The following PLEKHA4 variants were observed in gnomAD, a reference collection of about 807,000 sequenced individuals.
PLEKHA4 encodes the protein pleckstrin homology domain-containing family A member 4.
PLEKHA4 carries 73 observed loss-of-function variants against 94.7 expected under a neutral mutation model. The ratio of observed to expected loss-of-function variants is 0.77; its 90% confidence interval spans 0.64 to 0.94. PLEKHA4 has a LOEUF of 0.94. Among genes scored for constraint, PLEKHA4 ranks in the 40% least tolerant of loss-of-function variants. PLEKHA4 has a pLI of 0.00. For synonymous variants in PLEKHA4, 449 were observed against 437.1 expected (o/e 1.03, Z -0.34); for missense variants, 1,049 against 1,054.1 (o/e 1.00, Z 0.07).
At chr19:48,855,517 T>C (rs1471950439) in intron 9 of PLEKHA4, among the ~76,000 whole-genome samples, 2 of 151,732 alleles carry the variant, frequency 1.3e-5, no homozygotes, top group African/African-American at 4.8e-5. Context: ...GGAAGAAGAA[T>C]CACTTGAACC....
At position 48,839,245 on chromosome 19, in the gene PLEKHA4, C is replaced by G. The variant is rs756190025; in HGVS notation, c.1924G>C (p.Gly642Arg). 2 of 1,594,240 alleles carry G rather than the reference C, an allele frequency of 1.3e-6. No homozygotes were observed. Among genetic ancestry groups the G allele is most frequent in the Admixed American group, 3.4e-5 (2 of 58,868 alleles). The change falls in exon 18 of 20, where the codon GGA becomes CGA. Residue 642 changes from glycine to arginine, a missense_variant. Gly to Arg is a moderately radical substitution (Grantham distance 125). Coordinates refer to ENST00000263265, the MANE Select transcript of PLEKHA4 (RefSeq NM_020904.3). ...VEQRPVVGHS[G>R]AQKWLRSSGS... is the part of the protein sequence containing the mutation. ...GAGCTTCTGAGCCATTTCTGGGCTCCCGAGTGTCCTACGACAGGCTGGAAA... is the reference window on the plus strand; with the variant it reads ...GAGCTTCTGAGCCATTTCTGGGCTCGCGAGTGTCCTACGACAGGCTGGAAA...
intron 9 of PLEKHA4, among the ~76,000 whole-genome samples, chr19:48,854,993 A>G (rs1306295089): frequency 6.6e-6 from 1 of 151,912 alleles, no homozygotes; most frequent in Non-Finnish European, 1.5e-5. Context: ...GGCATGAACC[A>G]CCAAGCCTAG....
At chr19:48,860,596 A>C in intron 5 of PLEKHA4, 137 bp from the exon 6 acceptor site, 1 of 652,968 alleles carries the variant, frequency 1.5e-6, no homozygotes, top group Non-Finnish European at 2.7e-6. Context: ...CAGCCTAGGC[A>C]ACATAATGAG....
At chr19:48,851,006 T>A (rs564319536) in intron 13 of PLEKHA4, among the ~76,000 whole-genome samples, 1 of 151,384 alleles carries the variant, frequency 6.6e-6, no homozygotes, top group South Asian at 2.1e-4. Flanking sequence ...CCGGGCATGG[T>A]GGTGGTCATC....
chr19:48,844,166 TA>T (rs2035878056), intron 16 of PLEKHA4, among the ~76,000 whole-genome samples: 2 of 131,730 alleles, frequency 1.5e-5, no homozygotes, highest in Admixed American at 1.6e-4. Flanking sequence ...TTATTATTAT[TA>T]TTTTCGAGAC....
rs1206878922 is a variant in PLEKHA4 at position 48,837,902 on chromosome 19, C to A, written c.2077+115G>T. 1.2e-6 allele frequency: 1 copy of A among 856,038 alleles called. No homozygotes were observed. Among genetic ancestry groups the A allele is most frequent in the Non-Finnish European group, 1.9e-6 (1 of 535,354 alleles). The allele number at this position is 856,038 out of a possible 1,614,324, so 53.0% of individuals were successfully genotyped here. On this transcript the variant is annotated intron_variant, in intron 19 of 19. Transcript: ENST00000263265. This position sits in a 1 kb window ranked among gnomAD's most constrained non-coding sequence, Gnocchi z 4.3. ...CAAACCCTGCCCAACTCTTTACTCA[C>A]CAAGATAAAAAATTCTCACCGGCCC...
chr19:48,847,142 T>C (rs2035997412), intron 14 of PLEKHA4, among the ~76,000 whole-genome samples: 1 of 152,252 alleles, frequency 6.6e-6, no homozygotes. Flanking sequence ...TATATAATCA[T>C]ATTAGGGCTG....
Position 48,865,601 on chromosome 19 carries a change from G to T in PLEKHA4, c.94C>A (p.Arg32=), listed in dbSNP as rs201547716. ...LSSLSPKKPT[R]AVNKIHAFGK... ...AAGGCGTGGATCTTGTTTACTGCCCGGGTGGGCTTCTGAGGAGAGAAGGGG... is the reference window on the plus strand; with the variant it reads ...AAGGCGTGGATCTTGTTTACTGCCCTGGTGGGCTTCTGAGGAGAGAAGGGG... The change falls in exon 3 of 20, where the codon CGG becomes AGG. Residue 32 remains arginine, a synonymous_variant. Transcript: ENST00000263265. 1 of 1,612,716 alleles carries T rather than the reference G, an allele frequency of 6.2e-7. No individual in the cohort carries two copies. The highest frequency in any genetic ancestry group is 1.1e-5 in the South Asian group (1 of 91,020).
chr19:48,841,289 TCCGGGGCCGGGCCA>T lies in PLEKHA4; in HGVS notation c.1751_1764del (p.Val584AspfsTer43), dbSNP rs1453407435. 4.3e-6 allele frequency: 7 copies of T among 1,611,800 alleles called. No individual in the cohort carries two copies. Among genetic ancestry groups the T allele is most frequent in the Middle Eastern group, 1.7e-4 (1 of 5,902 alleles). ...CGCTCCAGCTGCTCCTGGGCACTCA[TCCGGGGCCGGGCCA>T]CCGGGGCCTAGGGAGGCGAGAAACG... On this transcript the variant is annotated frameshift_variant, in exon 17 of 20. Transcript: ENST00000263265. LOFTEE classifies it high-confidence loss of function.
intron 8 of PLEKHA4, among the ~76,000 whole-genome samples, chr19:48,857,721 CTCGTTAAGAGTCA>C: frequency 6.6e-6 from 1 of 150,782 alleles, no homozygotes. Flanking sequence ...AGGCAGCATG[CTCGTTAAGAGTCA>C]TCACCACTCC....
At chr19:48,858,810 C>A in intron 8 of PLEKHA4, 50 bp downstream of exon 8, 2 of 1,606,958 alleles carry the variant, frequency 1.2e-6, no homozygotes, top group Non-Finnish European at 1.7e-6. Flanking sequence ...AAAGACAGCC[C>A]TGAGGCCTGA....
chr19:48,859,146 G>A lies in PLEKHA4; in HGVS notation c.693-7C>T, dbSNP rs1319483937. On this transcript the variant is annotated splice_polypyrimidine_tract_variant and splice_region_variant and intron_variant, in intron 7 of 19. Transcript: ENST00000263265. ...AGAGAGGGGGGTGAACAGGCTGTGG[G>A]AAGGAGAGAATCGGGGAACTGAGTC... The A allele has an allele frequency of 4.6e-6, 7 of 1,520,378 alleles. No individual in the cohort carries two copies. The highest frequency in any genetic ancestry group is 1.4e-5 in the African/African-American group (1 of 72,022). The allele number at this position is 1,520,378 out of a possible 1,614,324, so 94.2% of individuals were successfully genotyped here.
At position 48,837,517 on chromosome 19, in the gene PLEKHA4, G is replaced by A. The variant is rs1250584476; in HGVS notation, c.2112C>T (p.Pro704=). Residue 704 remains proline (P), a synonymous_variant, in exon 20 of 20, where the codon CCC becomes CCT. Coordinates refer to ENST00000263265, the MANE Select transcript of PLEKHA4 (RefSeq NM_020904.3). This position sits in a 1 kb window ranked among gnomAD's most constrained non-coding sequence, Gnocchi z 4.3. ...GGTCCGAAGGAGGCAGCGGCACACC[G>A]GGAAGAGGGTCTCCCTGGGAGTCCA... ...GNLDSQGDPL[P]GVPLPPSDPT... The A allele has an allele frequency of 1.9e-6, 3 of 1,613,060 alleles. No individual in the cohort carries two copies. The highest frequency in any genetic ancestry group is 2.5e-6 in the Non-Finnish European group (3 of 1,179,636).
rs1363177914 is a variant in PLEKHA4 at position 48,863,832 on chromosome 19, G to A, written c.192+1671C>T. ...TGTGATCCACCTGCCTCGACCTCCC[G>A]AAGTGCTGGGATTACAGGCGTCAGC... On this transcript the variant is annotated intron_variant, in intron 3 of 19. Coordinates refer to ENST00000263265, the MANE Select transcript of PLEKHA4 (RefSeq NM_020904.3). Among the ~76,000 whole-genome samples the A allele has an allele frequency of 6.6e-5, 10 of 152,162 alleles. No individual in the cohort carries two copies. The East Asian group carries it at 1.2e-3, about 18-fold the overall frequency.
At chr19:48,862,502 C>A (rs2036681602) in intron 3 of PLEKHA4, among the ~76,000 whole-genome samples, 1 of 150,874 alleles carries the variant, frequency 6.6e-6, no homozygotes, top group Admixed American at 6.6e-5. Flanking sequence ...CGTCTGGCCT[C>A]CCCCACTTTC....
At chr19:48,847,074 G>A (rs994762245) in intron 14 of PLEKHA4, among the ~76,000 whole-genome samples, 1 of 152,008 alleles carries the variant, frequency 6.6e-6, no homozygotes, top group African/African-American at 2.4e-5. Context: ...TTGATATTAG[G>A]ATTGAGTCCA....
Position 48,852,341 on chromosome 19 carries a change from AG to A in PLEKHA4, c.1327-16del. ...CTCTCTCGCTCCTCAGGTTGCATAA[AG>A]GGGGAGACATAGGTTAGGTCCCTCT... On this transcript the variant is annotated splice_polypyrimidine_tract_variant and intron_variant, in intron 12 of 19. Coordinates refer to ENST00000263265, the MANE Select transcript of PLEKHA4 (RefSeq NM_020904.3). 2 of 1,601,534 alleles carry A rather than the reference AG, an allele frequency of 1.2e-6. No individual in the cohort carries two copies. Among genetic ancestry groups the A allele is most frequent in the Non-Finnish European group, 1.7e-6 (2 of 1,168,610 alleles).
chr19:48,859,781 G>C, intron 6 of PLEKHA4, 97 bp from the exon 7 acceptor site: 2 of 1,134,412 alleles, frequency 1.8e-6, no homozygotes, highest in Non-Finnish European at 2.5e-6. Flanking sequence ...ACCCAAAAAA[G>C]GAAAGTTGTG....
In PLEKHA4 at chr19:48,837,908, T is replaced by A; in HGVS notation, c.2077+109A>T. ...CTGCCCAACTCTTTACTCACCAAGA[T>A]AAAAAATTCTCACCGGCCCCCAGAC... On this transcript the variant is annotated intron_variant, in intron 19 of 19. Transcript: ENST00000263265. The surrounding 1 kb of genome is among the most constrained non-coding windows in gnomAD (Gnocchi z 4.3). The A allele has an allele frequency of 2.3e-6, 2 of 883,026 alleles. No individual in the cohort carries two copies. The highest frequency in any genetic ancestry group is 3.6e-6 in the Non-Finnish European group (2 of 560,112). The allele number at this position is 883,026 out of a possible 1,614,324, so 54.7% of individuals were successfully genotyped here.
Sources: gnomAD v4.1 joint callset for allele counts (sites outside exome capture counted in the v4.1 genomes callset) on GRCh38, gnomAD v4.1.1 for gene constraint, Gnocchi (gnomAD v3.1) non-coding constraint, MANE v1.5 for transcripts, NCBI Gene and HGNC (gene_info 2026-07-23, HGNC 2026-07-21) for gene names.